The following MYO5B variants were observed in gnomAD, a reference collection of about 807,000 sequenced individuals.
MYO5B encodes unconventional myosin-Vb.
Under a neutral mutation model 229.3 loss-of-function variants are expected in MYO5B, and 143 were observed. The ratio of observed to expected loss-of-function variants is 0.62; its 90% CI spans 0.54 to 0.72. MYO5B has a LOEUF of 0.72. MYO5B is among the 30% of genes least tolerant of loss of function. The pLI is 0.00. For missense variants in MYO5B, 2,321 were observed against 2,331.0 expected (o/e 1.00, Z 0.09); for synonymous variants, 918 against 885.2 (o/e 1.04, Z -0.66).
intron 8 of MYO5B, among the ~76,000 whole-genome samples, chr18:49,982,788 C>T (rs2144296783): frequency 6.6e-6 from 1 of 152,282 alleles, no homozygotes; most frequent in African/African-American, 2.4e-5. Context: ...TTTAAGTTTG[C>T]TAACCCCTGC....
intron 1 of MYO5B, among the ~76,000 whole-genome samples, chr18:50,126,131 T>C (rs2032158549): frequency 6.6e-6 from 1 of 152,174 alleles, no homozygotes; most frequent in Non-Finnish European, 1.5e-5. Context: ...ATGGTGAAAA[T>C]ATGGTTAAAA....
intron 21 of MYO5B, among the ~76,000 whole-genome samples, chr18:49,896,000 T>G (rs2024774810): frequency 6.6e-6 from 1 of 152,186 alleles, no homozygotes. Context: ...CAGGCAACAA[T>G]GGTCATTGAT....
At chr18:50,011,718 T>G (rs2144343674) in intron 4 of MYO5B, among the ~76,000 whole-genome samples, 1 of 152,130 alleles carries the variant, frequency 6.6e-6, no homozygotes, top group East Asian at 1.9e-4. Flanking sequence ...CTTTCCCTCC[T>G]AGATGCTACC....
intron 5 of MYO5B, among the ~76,000 whole-genome samples, chr18:49,995,400 G>A (rs375602076): frequency 2.3e-4 from 34 of 149,134 alleles, no homozygotes; most frequent in East Asian, 1.6e-3. Flanking sequence ...AACTACAGGC[G>A]CCCACCACCA....
chr18:50,016,935 T>G (rs1158105485), intron 4 of MYO5B, among the ~76,000 whole-genome samples: 2 of 151,280 alleles, frequency 1.3e-5, no homozygotes. Context: ...ACCCCAAATT[T>G]AACCCTACCC....
At chr18:49,899,296 A>T (rs1269579718) in intron 21 of MYO5B, among the ~76,000 whole-genome samples, 1 of 152,222 alleles carries the variant, frequency 6.6e-6, no homozygotes, top group Non-Finnish European at 1.5e-5. Context: ...CCATCTGCTA[A>T]GAGATTGCAA....
intron 1 of MYO5B, among the ~76,000 whole-genome samples, chr18:50,103,710 C>T (rs2031698574): frequency 6.6e-6 from 1 of 152,122 alleles, no homozygotes; most frequent in South Asian, 2.1e-4. Flanking sequence ...CACTGCACTC[C>T]AGCCCATGCA....
At chr18:49,940,626 C>T (rs889843805) in intron 14 of MYO5B, among the ~76,000 whole-genome samples, 3 of 152,174 alleles carry the variant, frequency 2.0e-5, no homozygotes, top group Non-Finnish European at 4.4e-5. Flanking sequence ...CAGTGAACCC[C>T]CCTCAGTCTG....
intron 1 of MYO5B, among the ~76,000 whole-genome samples, chr18:50,134,222 A>C (rs950508234): frequency 3.3e-5 from 5 of 152,290 alleles, no homozygotes; most frequent in African/African-American, 1.2e-4. Flanking sequence ...GGATAGACAG[A>C]GGCACATAAA....
In MYO5B at chr18:49,902,721, C is replaced by T. The variant is rs201920924; in HGVS notation, c.2684G>A (p.Arg895Gln). ...CAGCTCCCGCCTGGCCTTGAGCATCCGGAAGGCACACTGGATGACAATGGC... is the reference window on the plus strand; with the variant it reads ...CAGCTCCCGCCTGGCCTTGAGCATCTGGAAGGCACACTGGATGACAATGGC... ...DAAIVIQCAFRMLKARRELKA... is the reference protein window; with the variant it reads ...DAAIVIQCAFQMLKARRELKA... The change falls in exon 21 of 40, where the codon CGG (arginine) becomes CAG (glutamine). Residue 895 changes from arginine to glutamine, a missense_variant. By Grantham distance (43) the Arg-to-Gln change is conservative. Transcript: ENST00000285039. 17 of 1,610,810 alleles carry T rather than the reference C, an allele frequency of 1.1e-5. No homozygotes were observed. The highest frequency in any genetic ancestry group is 4.4e-5 in the South Asian group (4 of 91,088).
At chr18:50,099,801 A>G (rs2031621227) in intron 1 of MYO5B, among the ~76,000 whole-genome samples, 1 of 152,208 alleles carries the variant, frequency 6.6e-6, no homozygotes, top group South Asian at 2.1e-4. Context: ...TGTAAAGCCA[A>G]CTGGCTTCGT....
intron 17 of MYO5B, among the ~76,000 whole-genome samples, chr18:49,914,968 C>T (rs534983422): frequency 3.3e-5 from 5 of 152,152 alleles, no homozygotes; most frequent in Non-Finnish European, 7.4e-5. Context: ...TTCCTCCCAG[C>T]AGCCTGGGAT....
At chr18:50,088,503 C>T (rs1429615878) in intron 1 of MYO5B, among the ~76,000 whole-genome samples, 1 of 152,202 alleles carries the variant, frequency 6.6e-6, no homozygotes, top group Non-Finnish European at 1.5e-5. Flanking sequence ...AATTGTGTTC[C>T]TCTTCATTTA....
At chr18:49,869,554 T>C (rs1669160918) in intron 27 of MYO5B, among the ~76,000 whole-genome samples, 1 of 152,130 alleles carries the variant, frequency 6.6e-6, no homozygotes, top group African/African-American at 2.4e-5. Flanking sequence ...AGACAAATGT[T>C]TATTGCGCCC....
At chr18:49,960,733 G>A (rs1020419119) in intron 12 of MYO5B, among the ~76,000 whole-genome samples, 6 of 152,142 alleles carry the variant, frequency 3.9e-5, no homozygotes, top group African/African-American at 1.4e-4. Context: ...GAGTTTACAC[G>A]TGTCACATCC....
chr18:50,031,283 T>C (rs2026385970), intron 4 of MYO5B, among the ~76,000 whole-genome samples: 1 of 152,106 alleles, frequency 6.6e-6, no homozygotes, highest in Non-Finnish European at 1.5e-5. Flanking sequence ...AGGGAGGTAG[T>C]ATCATTTTTC....
intron 2 of MYO5B, among the ~76,000 whole-genome samples, chr18:50,051,831 C>T (rs908008660): frequency 8.5e-5 from 13 of 152,260 alleles, no homozygotes; most frequent in East Asian, 3.9e-4. Flanking sequence ...TCGTCAAACT[C>T]AGAGACAGAG....
At chr18:50,079,993 T>C (rs2031180212) in intron 1 of MYO5B, among the ~76,000 whole-genome samples, 2 of 152,196 alleles carry the variant, frequency 1.3e-5, no homozygotes, top group African/African-American at 4.8e-5. Context: ...TTCACAATTT[T>C]AGTTCAATTG....
chr18:49,963,825 G>A (rs1000265729), intron 10 of MYO5B, among the ~76,000 whole-genome samples: 1 of 152,166 alleles, frequency 6.6e-6, no homozygotes, highest in Non-Finnish European at 1.5e-5. Flanking sequence ...ATCAACCACT[G>A]TATAGATCAG....
Sources: allele counts gnomAD v4.1 joint callset (sites outside exome capture counted in the v4.1 genomes callset), GRCh38; gene constraint gnomAD v4.1.1; transcripts MANE v1.5; gene names NCBI Gene and HGNC (gene_info 2026-07-23, HGNC 2026-07-21).